The following GRM5 variants were observed in gnomAD, a reference collection of about 807,000 sequenced individuals.
The protein encoded by GRM5 is metabotropic glutamate receptor 5.
In GRM5, 19 loss-of-function variants were observed where a neutral mutation model predicts 83.1. That is an observed-to-expected ratio of 0.23 (90% CI 0.16 to 0.34). The LOEUF (loss-of-function observed/expected upper bound fraction) is 0.34, where lower values mean the gene tolerates loss of function less well. GRM5 is among the 10% of genes least tolerant of loss of function. The pLI is 1.00. For synonymous variants in GRM5, 675 were observed against 633.6 expected (o/e 1.07, Z -0.98); for missense variants, 1,160 against 1,588.3 (o/e 0.73, Z 4.58).
intron 1 of GRM5, among the ~76,000 whole-genome samples, chr11:89,058,035 T>G (rs1281072679): frequency 6.6e-5 from 10 of 152,006 alleles, no homozygotes; most frequent in African/African-American, 2.2e-4. Context: ...CCAACTATAT[T>G]TGGCTCCAAA....
chr11:89,054,312 G>A (rs1439287062), intron 1 of GRM5, among the ~76,000 whole-genome samples: 1 of 152,126 alleles, frequency 6.6e-6, no homozygotes, highest in South Asian at 2.1e-4. Context: ...CAATGAGGAC[G>A]CCAAGATTTT....
chr11:88,699,485 G>A (rs1430902634), intron 3 of GRM5, among the ~76,000 whole-genome samples: 1 of 152,100 alleles, frequency 6.6e-6, no homozygotes, highest in East Asian at 1.9e-4. Flanking sequence ...GTTGATTGCT[G>A]ACAACTCACA....
chr11:88,702,583 G>T (rs1281523594), intron 3 of GRM5, among the ~76,000 whole-genome samples: 1 of 152,070 alleles, frequency 6.6e-6, no homozygotes, highest in Non-Finnish European at 1.5e-5. Context: ...CATTTCATAT[G>T]ATCACAATCA....
intron 3 of GRM5, among the ~76,000 whole-genome samples, chr11:88,731,329 G>C (rs1158176812): frequency 6.6e-6 from 1 of 151,994 alleles, no homozygotes; most frequent in Non-Finnish European, 1.5e-5. Flanking sequence ...GCATTACTTA[G>C]TATTATTCTA....
At chr11:88,517,159 ACACG>A (rs1429027079) in intron 9 of GRM5, among the ~76,000 whole-genome samples, 8 of 145,826 alleles carry the variant, frequency 5.5e-5, no homozygotes, top group Non-Finnish European at 7.7e-5. Flanking sequence ...ACACACACAC[ACACG>A]TTTCTGATCC....
intron 3 of GRM5, among the ~76,000 whole-genome samples, chr11:88,679,736 T>C (rs758662491): frequency 6.6e-6 from 1 of 152,172 alleles, no homozygotes; most frequent in Non-Finnish European, 1.5e-5. Flanking sequence ...ACAGCATGTG[T>C]CATTATTCTC....
intron 5 of GRM5, among the ~76,000 whole-genome samples, chr11:88,601,475 A>G (rs1937994594): frequency 6.6e-6 from 1 of 150,890 alleles, no homozygotes; most frequent in African/African-American, 2.4e-5. Context: ...TCTTTGTATT[A>G]AAATTTTTGT....
intron 3 of GRM5, among the ~76,000 whole-genome samples, chr11:88,781,442 G>A (rs1413543002): frequency 1.3e-5 from 2 of 152,000 alleles, no homozygotes; most frequent in African/African-American, 4.8e-5. Flanking sequence ...ATATATTCAG[G>A]ACCCAAACTA....
chr11:88,947,129 G>C (rs971117517), intron 2 of GRM5, among the ~76,000 whole-genome samples: 2 of 152,032 alleles, frequency 1.3e-5, no homozygotes, highest in African/African-American at 4.8e-5. Context: ...AAGTAAATGA[G>C]AGGTTGCAAT....
intron 3 of GRM5, among the ~76,000 whole-genome samples, chr11:88,814,805 A>T (rs1943643138): frequency 6.6e-6 from 1 of 152,214 alleles, no homozygotes; most frequent in Admixed American, 6.5e-5. Flanking sequence ...TAATGAAAAA[A>T]AATAACAAGT....
chr11:88,745,574 T>A (rs759002019), intron 3 of GRM5, among the ~76,000 whole-genome samples: 12 of 152,190 alleles, frequency 7.9e-5, no homozygotes, highest in Non-Finnish European at 1.5e-4. Flanking sequence ...GCCTTGTAGA[T>A]CTTGTAACTT....
intron 2 of GRM5, among the ~76,000 whole-genome samples, chr11:88,962,926 T>C (rs1254192148): frequency 6.6e-6 from 1 of 152,066 alleles, no homozygotes; most frequent in Non-Finnish European, 1.5e-5. Flanking sequence ...TCGTCTCTAC[T>C]AAAAATACAA....
intron 2 of GRM5, among the ~76,000 whole-genome samples, chr11:89,037,861 C>T (rs1416845616): frequency 2.0e-5 from 3 of 152,104 alleles, no homozygotes; most frequent in East Asian, 3.9e-4. Context: ...TAGAGTAAGT[C>T]ACTTTTAAAC....
chr11:88,630,533 T>C (rs1938933469), intron 4 of GRM5, among the ~76,000 whole-genome samples: 1 of 142,222 alleles, frequency 7.0e-6, no homozygotes, highest in South Asian at 2.3e-4. Flanking sequence ...AATTTACTAA[T>C]GTAATACACA....
At chr11:88,849,208 T>C (rs566657006) in intron 3 of GRM5, among the ~76,000 whole-genome samples, 105 of 152,206 alleles carry the variant, frequency 6.9e-4, no homozygotes, top group African/African-American at 2.4e-3. Context: ...CATACACATA[T>C]ATATGTGTGC....
At chr11:88,678,212 C>A (rs1940386270) in intron 3 of GRM5, among the ~76,000 whole-genome samples, 1 of 151,926 alleles carries the variant, frequency 6.6e-6, no homozygotes, top group African/African-American at 2.4e-5. Flanking sequence ...AGGTGTGCCA[C>A]CATGTTCAGC....
At position 88,522,569 on chromosome 11, in the gene GRM5, T is replaced by TTCTC. The variant is rs146352449; in HGVS notation, c.2726+2736_2726+2739dup. On this transcript the variant is annotated intron_variant, in intron 9 of 9. Transcript: ENST00000305447. ...AAAGCTTAAGCATGGCAGGTCTCTC[T>TTCTC]TCTCTCTCTCTCTCTCTCGCTCTCT... Among the ~76,000 whole-genome samples the TTCTC allele has an allele frequency of 9.8e-3, 1,363 of 138,510 alleles. 16 individuals are homozygous for TTCTC. The highest frequency in any genetic ancestry group is 0.021 in the South Asian group (91 of 4,374). 90.9% of individuals were successfully genotyped at this position (138,510 alleles called of 152,430 possible). A position where few individuals can be genotyped will look rare whatever the true frequency, so the allele number is the denominator to read the frequency against.
chr11:88,770,005 T>C (rs1942700008), intron 3 of GRM5, among the ~76,000 whole-genome samples: 1 of 152,016 alleles, frequency 6.6e-6, no homozygotes, highest in African/African-American at 2.4e-5. Context: ...CAGTTATAAA[T>C]CATGTTGATA....
At position 89,013,870 on chromosome 11, in the gene GRM5, A is replaced by G. The variant is rs904125207; in HGVS notation, c.661+33342T>C. Reference sequence around the variant, plus strand: ...AATTATTTGAGCATGCACCTTGCTCATTGACTAGAAGTGAATCCCTAGTGG... The same window carrying G: ...AATTATTTGAGCATGCACCTTGCTCGTTGACTAGAAGTGAATCCCTAGTGG... On this transcript the variant is annotated intron_variant, in intron 2 of 9. Transcript: ENST00000305447. Among the ~76,000 whole-genome samples, 19 of 152,300 alleles carry G rather than the reference A, an allele frequency of 1.2e-4. 1 individual carries two copies. The highest frequency in any genetic ancestry group is 1.1e-3 in the Admixed American group (17 of 15,300).
Sources: allele counts gnomAD v4.1 joint callset (sites outside exome capture counted in the v4.1 genomes callset), GRCh38; gene constraint gnomAD v4.1.1; transcripts MANE v1.5; gene names NCBI Gene and HGNC (gene_info 2026-07-23, HGNC 2026-07-21).